Variants in ITPK1 observed in about 807,000 individuals in gnomAD.
The protein encoded by ITPK1 is inositol-tetrakisphosphate 1-kinase.
A neutral mutation model predicts 45.3 loss-of-function variants in ITPK1; 21 were observed. The observed-to-expected ratio is 0.46, with a 90% CI of 0.33 to 0.67. The LOEUF is 0.67. ITPK1 is among the 30% of genes least tolerant of loss of function. The pLI, the probability that ITPK1 is intolerant of heterozygous loss-of-function variation, is 0.02. For missense variants in ITPK1, 474 were observed against 573.5 expected (o/e 0.83, Z 1.77); for synonymous variants, 258 against 253.6 (o/e 1.02, Z -0.16).
intron 3 of ITPK1, among the ~76,000 whole-genome samples, chr14:93,038,773 C>G (rs546813352): frequency 6.6e-6 from 1 of 152,128 alleles, no homozygotes; most frequent in Admixed American, 6.5e-5. Flanking sequence ...GTGATCCACC[C>G]GTTTCGGCCT....
chr14:92,983,246 G>C (rs997918021), intron 5 of ITPK1, among the ~76,000 whole-genome samples: 1 of 152,180 alleles, frequency 6.6e-6, no homozygotes, highest in Admixed American at 6.5e-5. Context: ...CTGATTTACA[G>C]CCCCTTCTGG....
intron 10 of ITPK1, 120 bp from the exon 11 acceptor site, chr14:92,942,024 TC>T: frequency 1.2e-6 from 1 of 864,556 alleles, no homozygotes; most frequent in Non-Finnish European, 1.8e-6. Flanking sequence ...GCTGTCAGCG[TC>T]CCATTTACAG....
At chr14:92,999,121 C>A (rs1481494489) in intron 4 of ITPK1, among the ~76,000 whole-genome samples, 1 of 152,262 alleles carries the variant, frequency 6.6e-6, no homozygotes. Context: ...TTCCAGCCCC[C>A]ATCTGCCCTA....
intron 5 of ITPK1, among the ~76,000 whole-genome samples, chr14:92,973,661 C>T (rs1885778021): frequency 6.6e-6 from 1 of 152,232 alleles, no homozygotes; most frequent in African/African-American, 2.4e-5. Flanking sequence ...CTGGAAACAA[C>T]CCAAATGGCT....
At chr14:92,968,821 G>A (rs1051607919) in intron 5 of ITPK1, among the ~76,000 whole-genome samples, 1 of 152,206 alleles carries the variant, frequency 6.6e-6, no homozygotes, top group African/African-American at 2.4e-5. Context: ...GACCACTCCT[G>A]CTCTGGCGTG....
At chr14:93,010,425 A>G (rs1374282697) in intron 4 of ITPK1, among the ~76,000 whole-genome samples, 1 of 152,228 alleles carries the variant, frequency 6.6e-6, no homozygotes, top group East Asian at 1.9e-4. Flanking sequence ...CTTTGGAGGC[A>G]GACGCAACAG....
chr14:92,942,452 G>C (rs994282215), intron 10 of ITPK1, among the ~76,000 whole-genome samples: 4 of 152,202 alleles, frequency 2.6e-5, no homozygotes, highest in Admixed American at 6.5e-5. Context: ...TGGCACTACT[G>C]AGAGAGGCTG....
At position 92,958,758 on chromosome 14, in the gene ITPK1, A is replaced by G. The variant is rs1379775418; in HGVS notation, c.505-392T>C. Among the ~76,000 whole-genome samples the G allele has an allele frequency of 6.6e-6, 1 of 152,126 alleles. No homozygotes were observed. Among genetic ancestry groups the G allele is most frequent in the Non-Finnish European group, 1.5e-5 (1 of 68,018 alleles). On this transcript the variant is annotated intron_variant, in intron 7 of 10. Transcript: ENST00000267615. The surrounding 1 kb of genome is among the most constrained non-coding windows in gnomAD (Gnocchi z 4.4). ...CACAAAGACCCGGGAGGAGGAAGGA[A>G]GCAGATGACTCGGGCGCAGGAGTCA...
At chr14:92,948,386 C>T (rs1053152753) in intron 9 of ITPK1, among the ~76,000 whole-genome samples, 2 of 152,218 alleles carry the variant, frequency 1.3e-5, no homozygotes, top group Admixed American at 1.3e-4. Context: ...CAATGTTTCA[C>T]TCTGTCACCC....
chr14:93,058,738 T>G, intron 3 of ITPK1, among the ~76,000 whole-genome samples: 1 of 17,882 alleles, frequency 5.6e-5, no homozygotes, highest in Non-Finnish European at 9.7e-5. Context: ...GTGCGGATCA[T>G]GAGGCAAGGG....
Position 93,016,606 on chromosome 14 carries a change from C to G in ITPK1, c.246+70G>C. The G allele has an allele frequency of 6.4e-7, 1 of 1,554,176 alleles. No homozygotes were observed. The highest frequency in any genetic ancestry group is 8.8e-7 in the Non-Finnish European group (1 of 1,133,610). ...GCTGCTACCGCCCTAAATACACACA[C>G]GGCCATTCCAGGGCCTCCCCTCCTC... On this transcript the variant is annotated intron_variant, in intron 4 of 10. Coordinates refer to ENST00000267615, the MANE Select transcript of ITPK1 (RefSeq NM_014216.6). The surrounding 1 kb of genome is among the most constrained non-coding windows in gnomAD (Gnocchi z 5.0).
chr14:93,015,220 G>A (rs368550504), intron 4 of ITPK1, among the ~76,000 whole-genome samples: 9 of 152,164 alleles, frequency 5.9e-5, no homozygotes, highest in Non-Finnish European at 1.3e-4. Flanking sequence ...ACTGACCCCC[G>A]GCTCTGCTGG....
At chr14:93,041,126 C>T (rs896764144) in intron 3 of ITPK1, among the ~76,000 whole-genome samples, 28 of 152,152 alleles carry the variant, frequency 1.8e-4, no homozygotes, top group African/African-American at 6.0e-4. Context: ...ATTAGCCAGG[C>T]GCTGTCCTCA....
chr14:92,938,765 G>C lies in ITPK1; in HGVS notation c.*2796C>G, dbSNP rs8011546. On this transcript the variant is annotated 3_prime_UTR_variant, in exon 11 of 11. Transcript: ENST00000267615. ...CAGGGTGGCCTCCCCTTGGCTCTTG[G>C]GGTGGGGACACCCAGCAGCTGGCAC... is the stretch of plus-strand genomic sequence containing the variant. 1 of 590,832 alleles carries C rather than the reference G, an allele frequency of 1.7e-6. No homozygotes were observed. 36.6% of individuals were successfully genotyped at this position (590,832 alleles called of 1,614,324 possible).
intron 4 of ITPK1, among the ~76,000 whole-genome samples, chr14:92,999,285 G>C (rs1887215807): frequency 6.6e-6 from 1 of 152,262 alleles, no homozygotes; most frequent in African/African-American, 2.4e-5. Context: ...CCACAGCACA[G>C]AGAGGGTGGC....
chr14:92,960,943 C>T (rs142505360), intron 7 of ITPK1, among the ~76,000 whole-genome samples: 2 of 152,370 alleles, frequency 1.3e-5, no homozygotes, highest in East Asian at 1.9e-4. Context: ...CAACTGACAA[C>T]GGGACGGCGG....
intron 3 of ITPK1, among the ~76,000 whole-genome samples, chr14:93,017,009 T>G (rs763539425): frequency 1.1e-4 from 17 of 152,130 alleles, no homozygotes; most frequent in Non-Finnish European, 1.9e-4. Context: ...TCTTCTCTCC[T>G]GCTAACTCCT....
chr14:92,953,083 G>A (rs541232038), intron 8 of ITPK1, among the ~76,000 whole-genome samples: 1 of 152,270 alleles, frequency 6.6e-6, no homozygotes, highest in Non-Finnish European at 1.5e-5. Context: ...GCGAGGACAG[G>A]AGGGCACTGG....
intron 2 of ITPK1, among the ~76,000 whole-genome samples, chr14:93,095,692 C>T (rs1298178614): frequency 2.0e-5 from 3 of 151,734 alleles, no homozygotes; most frequent in African/African-American, 7.3e-5. Flanking sequence ...GATCTCATCA[C>T]CCAGGTACTG....
Sources: gnomAD v4.1 joint callset for allele counts (sites outside exome capture counted in the v4.1 genomes callset) on GRCh38, gnomAD v4.1.1 for gene constraint, Gnocchi (gnomAD v3.1) non-coding constraint, MANE v1.5 for transcripts, NCBI Gene and HGNC (gene_info 2026-07-23, HGNC 2026-07-21) for gene names.